The following EPHB1 variants were observed in gnomAD, a reference collection of about 807,000 sequenced individuals.
EPHB1 encodes the protein ephrin type-B receptor 1.
A neutral mutation model predicts 94.4 loss-of-function variants in EPHB1; 30 were observed. The ratio of observed to expected loss-of-function variants is 0.32; its 90% CI spans 0.24 to 0.43. The LOEUF is 0.43. Among genes scored for constraint, EPHB1 ranks in the 20% least tolerant of loss-of-function variants. EPHB1 has a pLI of 1.00. For synonymous variants in EPHB1, 522 were observed against 489.1 expected, an observed-to-expected ratio of 1.07 and a Z score of -0.89; for missense variants, 1,055 against 1,308.3, an observed-to-expected ratio of 0.81 and a Z score of 2.99.
chr3:134,883,546 C>G (rs1390826203), intron 1 of EPHB1, among the ~76,000 whole-genome samples: 1 of 152,166 alleles, frequency 6.6e-6, no homozygotes, highest in Non-Finnish European at 1.5e-5. Flanking sequence ...CAAGCCTGAC[C>G]AAATTTAAAG....
chr3:135,040,993 G>T (rs1190387217), intron 3 of EPHB1, among the ~76,000 whole-genome samples: 1 of 152,102 alleles, frequency 6.6e-6, no homozygotes, highest in Non-Finnish European at 1.5e-5. Context: ...CTTAGGATAA[G>T]GCTCAGCTAG....
intron 1 of EPHB1, among the ~76,000 whole-genome samples, chr3:134,870,879 A>G (rs964710157): frequency 1.6e-4 from 24 of 152,200 alleles, no homozygotes; most frequent in African/African-American, 4.8e-4. Flanking sequence ...ACAGAAGTTG[A>G]GCAGCTGCCT....
intron 12 of EPHB1, among the ~76,000 whole-genome samples, chr3:135,220,889 A>G (rs1943266658): frequency 6.6e-6 from 1 of 152,140 alleles, no homozygotes; most frequent in Non-Finnish European, 1.5e-5. Flanking sequence ...AGATTTTCAT[A>G]CTGTCTCTTA....
chr3:134,820,253 G>A (rs1187990284), intron 1 of EPHB1, among the ~76,000 whole-genome samples: 1 of 152,194 alleles, frequency 6.6e-6, no homozygotes, highest in Non-Finnish European at 1.5e-5. Flanking sequence ...GAAATGGAGG[G>A]AGCCTCCATG....
intron 3 of EPHB1, among the ~76,000 whole-genome samples, chr3:135,029,320 G>T (rs1389914972): frequency 6.6e-6 from 1 of 152,004 alleles, no homozygotes; most frequent in Non-Finnish European, 1.5e-5. Flanking sequence ...TCCTAGTCTG[G>T]ATGGTCTTTA....
chr3:135,251,050 C>CTAT (rs1933064777), intron 15 of EPHB1, among the ~76,000 whole-genome samples: 1 of 145,770 alleles, frequency 6.9e-6, no homozygotes, highest in East Asian at 1.9e-4. Context: ...TCTCTGAGGT[C>CTAT]TATTTTTTTT....
intron 12 of EPHB1, among the ~76,000 whole-genome samples, chr3:135,236,644 C>T (rs1349997254): frequency 6.6e-6 from 1 of 152,158 alleles, no homozygotes; most frequent in Non-Finnish European, 1.5e-5. Flanking sequence ...TTTCATGATA[C>T]ACTCGGCCAT....
chr3:134,996,844 A>T (rs1935012084), intron 3 of EPHB1, among the ~76,000 whole-genome samples: 1 of 152,120 alleles, frequency 6.6e-6, no homozygotes, highest in Non-Finnish European at 1.5e-5. Flanking sequence ...AGTTGCATGA[A>T]TAAACCTTTG....
At chr3:134,934,268 G>A (rs36166) in intron 2 of EPHB1, among the ~76,000 whole-genome samples, 33 of 152,282 alleles carry the variant, frequency 2.2e-4, no homozygotes, top group African/African-American at 7.2e-4. Context: ...TATAATACGC[G>A]TCTTTTAGGA....
chr3:135,072,510 A>T (rs1165493937), intron 3 of EPHB1, among the ~76,000 whole-genome samples: 12 of 152,134 alleles, frequency 7.9e-5, no homozygotes, highest in Admixed American at 7.2e-4. Flanking sequence ...TCTGCTCTCC[A>T]ATGGTAGCTC....
intron 3 of EPHB1, among the ~76,000 whole-genome samples, chr3:135,103,125 C>T (rs1366210874): frequency 6.6e-6 from 1 of 150,976 alleles, no homozygotes; most frequent in Non-Finnish European, 1.5e-5. Context: ...ACATGTATCC[C>T]ACAACTTAAA....
chr3:134,795,765 G>C, intron 1 of EPHB1, 76 bp downstream of exon 1: 1 of 1,493,208 alleles, frequency 6.7e-7, no homozygotes, highest in South Asian at 1.1e-5. Flanking sequence ...CGGTTCGCGG[G>C]GTTCCTCTGG....
At chr3:135,256,800 C>A (rs920523756) in intron 15 of EPHB1, among the ~76,000 whole-genome samples, 4 of 151,948 alleles carry the variant, frequency 2.6e-5, no homozygotes, top group Non-Finnish European at 5.9e-5. Flanking sequence ...TGGATAATAT[C>A]CTGCAGCGTG....
intron 1 of EPHB1, among the ~76,000 whole-genome samples, chr3:134,826,447 G>A (rs1578117618): frequency 6.6e-6 from 1 of 152,162 alleles, no homozygotes; most frequent in African/African-American, 2.4e-5. Flanking sequence ...GTTCTGCTTT[G>A]CATATAATCG....
chr3:134,936,907 T>G (rs2039015458), intron 2 of EPHB1, among the ~76,000 whole-genome samples: 14 of 152,186 alleles, frequency 9.2e-5, no homozygotes, highest in Admixed American at 9.2e-4. Context: ...TGTGTATGAC[T>G]GGCCATATCT....
intron 3 of EPHB1, among the ~76,000 whole-genome samples, chr3:134,967,360 A>T (rs566466831): frequency 6.6e-6 from 1 of 152,258 alleles, no homozygotes; most frequent in African/African-American, 2.4e-5. Flanking sequence ...TGTCCCCCAA[A>T]AGTTCATGGG....
intron 12 of EPHB1, among the ~76,000 whole-genome samples, chr3:135,208,292 TGTGTGTGTG>T (rs200101741): frequency 0.3 from 32,797 of 108,962 alleles, 3,801 homozygotes; most frequent in East Asian, 0.49. Context: ...TTTCATGACG[TGTGTGTGTG>T]TGTGTGTGTG....
At chr3:135,206,080 G>T (rs992183431) in intron 12 of EPHB1, among the ~76,000 whole-genome samples, 1 of 152,118 alleles carries the variant, frequency 6.6e-6, no homozygotes, top group Non-Finnish European at 1.5e-5. Flanking sequence ...TAATTTTTTT[G>T]ACCATCAATT....
chr3:135,100,063 T>G (rs1215046385), intron 3 of EPHB1, among the ~76,000 whole-genome samples: 1 of 152,070 alleles, frequency 6.6e-6, no homozygotes, highest in Non-Finnish European at 1.5e-5. Flanking sequence ...CTTTGCAAAC[T>G]CATTTGGGGA....
Sources: gnomAD v4.1 joint callset for allele counts (sites outside exome capture counted in the v4.1 genomes callset) on GRCh38, gnomAD v4.1.1 for gene constraint, MANE v1.5 for transcripts, NCBI Gene and HGNC (gene_info 2026-07-23, HGNC 2026-07-21) for gene names.